TTC29: variants seen among roughly 807,000 people sequenced by gnomAD.
The protein encoded by TTC29 is tetratricopeptide repeat domain 29.
TTC29 carries 49 observed loss-of-function variants against 58.1 expected under a neutral mutation model. The observed-to-expected ratio is 0.84, with a 90% confidence interval of 0.67 to 1.07. The LOEUF (loss-of-function observed/expected upper bound fraction) is 1.07. Among genes scored for constraint, TTC29 ranks in the 50% least tolerant of loss-of-function variants. The pLI, the probability that TTC29 is intolerant of heterozygous loss-of-function variation, is 0.00. For synonymous variants in TTC29, 209 were observed against 196.8 expected (o/e 1.06, Z -0.52); for missense variants, 582 against 555.6 (o/e 1.05, Z -0.48).
chr4:146,906,827 AC>A (rs1733551221), intron 5 of TTC29, among the ~76,000 whole-genome samples: 2 of 152,344 alleles, frequency 1.3e-5, no homozygotes, highest in South Asian at 4.2e-4. Context: ...GGCTATTATA[AC>A]TTTGGACTTT....
At chr4:146,719,648 C>A (rs1333247195) in intron 11 of TTC29, among the ~76,000 whole-genome samples, 1 of 152,080 alleles carries the variant, frequency 6.6e-6, no homozygotes, top group East Asian at 1.9e-4. Context: ...CCTAATGCAG[C>A]AGTTAAGAAA....
At chr4:146,827,295 T>C (rs1448579283) in intron 9 of TTC29, among the ~76,000 whole-genome samples, 1 of 152,210 alleles carries the variant, frequency 6.6e-6, no homozygotes, top group African/African-American at 2.4e-5. Flanking sequence ...TGGTGAAGGA[T>C]TCACACACTT....
chr4:146,926,745 G>C (rs1042278017), intron 4 of TTC29, among the ~76,000 whole-genome samples: 1 of 152,048 alleles, frequency 6.6e-6, no homozygotes, highest in Non-Finnish European at 1.5e-5. Context: ...TTACAGACGC[G>C]AACCACCACG....
At chr4:146,717,231 A>G (rs1743000995) in intron 11 of TTC29, among the ~76,000 whole-genome samples, 1 of 152,174 alleles carries the variant, frequency 6.6e-6, no homozygotes, top group Non-Finnish European at 1.5e-5. Flanking sequence ...GATTGAGAAC[A>G]TATTTTGTAA....
chr4:146,913,468 C>A (rs1734025239), intron 4 of TTC29, among the ~76,000 whole-genome samples: 1 of 151,956 alleles, frequency 6.6e-6, no homozygotes, highest in South Asian at 2.1e-4. Context: ...TAACCAATCC[C>A]ACGTTGTGTG....
chr4:146,884,915 T>A (rs550921442), intron 6 of TTC29, among the ~76,000 whole-genome samples: 124 of 152,208 alleles, frequency 8.1e-4, no homozygotes, highest in African/African-American at 3.0e-3. Flanking sequence ...TTGTTAAAAA[T>A]TTTTTAATAT....
chr4:146,764,952 T>C (rs1363743937), intron 11 of TTC29, among the ~76,000 whole-genome samples: 1 of 152,174 alleles, frequency 6.6e-6, no homozygotes, highest in Non-Finnish European at 1.5e-5. Flanking sequence ...GCTGATTTCA[T>C]GATCTCACGT....
intron 10 of TTC29, among the ~76,000 whole-genome samples, chr4:146,817,712 A>G (rs1364855033): frequency 6.6e-6 from 1 of 152,234 alleles, no homozygotes; most frequent in Non-Finnish European, 1.5e-5. Flanking sequence ...CCAAAACAGC[A>G]TGGTACTTGT....
intron 2 of TTC29, among the ~76,000 whole-genome samples, chr4:146,942,383 T>A (rs1460072415): frequency 1.3e-5 from 2 of 152,248 alleles, no homozygotes; most frequent in Non-Finnish European, 2.9e-5. Context: ...TTACCCTTTA[T>A]AACTTCATAA....
At chr4:146,715,691 T>C (rs1742877707) in intron 11 of TTC29, among the ~76,000 whole-genome samples, 1 of 152,128 alleles carries the variant, frequency 6.6e-6, no homozygotes, top group South Asian at 2.1e-4. Context: ...TGAAGTCTGG[T>C]GTTCTGTAGA....
At chr4:146,844,338 C>T (rs1431723047) in intron 8 of TTC29, among the ~76,000 whole-genome samples, 1 of 152,068 alleles carries the variant, frequency 6.6e-6, no homozygotes, top group Non-Finnish European at 1.5e-5. Flanking sequence ...CTCAAAACTG[C>T]CATTTCCTAA....
intron 4 of TTC29, among the ~76,000 whole-genome samples, chr4:146,925,450 T>G (rs1292133305): frequency 6.6e-6 from 1 of 152,066 alleles, no homozygotes; most frequent in Non-Finnish European, 1.5e-5. Context: ...AAAATATCAT[T>G]TTTTTCCATA....
intron 6 of TTC29, among the ~76,000 whole-genome samples, chr4:146,883,467 G>A (rs577202628): frequency 1.3e-5 from 2 of 151,964 alleles, no homozygotes; most frequent in African/African-American, 4.8e-5. Context: ...CCCTGTTAAA[G>A]GTTATGGAAT....
At position 146,909,104 on chromosome 4, in the gene TTC29, TCTGCAGCCAGAA is replaced by T. The variant is rs773895503; in HGVS notation, c.310_321del (p.Phe104_Gln107del). 8.7e-5 allele frequency: 141 copies of T among 1,613,790 alleles called. 1 individual carries two copies. In the South Asian group the frequency reaches 1.1e-3, roughly 12 times the overall value. ...TTATCAGGCTGCTCCTCCAGGGGCT[TCTGCAGCCAGAA>T]GAGGGACCTGACTCTCGCAGCCTCC... On this transcript the variant is annotated inframe_deletion, in exon 5 of 13. Transcript: ENST00000325106.
At chr4:146,802,587 G>A (rs927594412) in intron 11 of TTC29, among the ~76,000 whole-genome samples, 5 of 152,220 alleles carry the variant, frequency 3.3e-5, no homozygotes, top group Middle Eastern at 3.4e-3. Flanking sequence ...TTTATTCTAT[G>A]GAGGAAATAA....
intron 8 of TTC29, among the ~76,000 whole-genome samples, chr4:146,855,069 G>A (rs1384939737): frequency 6.6e-6 from 1 of 152,106 alleles, no homozygotes; most frequent in East Asian, 1.9e-4. Context: ...GGTTGAGATG[G>A]GTGATTCGCT....
At chr4:146,786,230 G>T (rs1220083608) in intron 11 of TTC29, among the ~76,000 whole-genome samples, 2 of 152,128 alleles carry the variant, frequency 1.3e-5, no homozygotes, top group Admixed American at 6.5e-5. Flanking sequence ...TTTAGAGGTC[G>T]CCTTACCTTG....
At chr4:146,895,156 T>C (rs1732684924) in intron 6 of TTC29, among the ~76,000 whole-genome samples, 1 of 152,236 alleles carries the variant, frequency 6.6e-6, no homozygotes, top group Admixed American at 6.5e-5. Flanking sequence ...GACATGATCT[T>C]GTTCCTTTTT....
chr4:146,841,651 C>G (rs767662055), intron 8 of TTC29, among the ~76,000 whole-genome samples: 3 of 151,878 alleles, frequency 2.0e-5, no homozygotes, highest in Admixed American at 6.6e-5. Flanking sequence ...CCTGAGTTAA[C>G]TCAATATTTG....
Sources: allele counts gnomAD v4.1 joint callset (sites outside exome capture counted in the v4.1 genomes callset), GRCh38; gene constraint gnomAD v4.1.1; transcripts MANE v1.5; gene names NCBI Gene and HGNC (gene_info 2026-07-23, HGNC 2026-07-21).